Variants in LMOD1 observed in about 807,000 individuals in gnomAD.
LMOD1 encodes leiomodin 1.
In LMOD1, 8 loss-of-function variants were observed where a neutral mutation model predicts 36.5. That is an observed-to-expected ratio of 0.22 (90% CI 0.13 to 0.40). The LOEUF is 0.40. Among genes scored for constraint, LMOD1 ranks in the 10% least tolerant of loss-of-function variants. The probability of loss-of-function intolerance (pLI) is 1.00; values close to 1 mark genes in which losing one functional copy is unlikely to be tolerated. For synonymous variants in LMOD1, 284 were observed against 288.7 expected, an observed-to-expected ratio of 0.98 and a Z score of 0.17; for missense variants, 630 against 751.1, an observed-to-expected ratio of 0.84 and a Z score of 1.88.
intron 1 of LMOD1, among the ~76,000 whole-genome samples, chr1:201,920,778 C>T (rs1681691448): frequency 1.3e-5 from 2 of 152,112 alleles, no homozygotes; most frequent in Non-Finnish European, 2.9e-5. Context: ...CCTGTAATCT[C>T]AGCACTTTGG....
chr1:201,944,820 A>G (rs1041643446), intron 1 of LMOD1, among the ~76,000 whole-genome samples: 1 of 151,994 alleles, frequency 6.6e-6, no homozygotes, highest in Admixed American at 6.6e-5. Context: ...CCATTGCTAC[A>G]CTAAAGGAGT....
chr1:201,934,062 G>A (rs150127778), intron 1 of LMOD1, among the ~76,000 whole-genome samples: 256 of 152,260 alleles, frequency 1.7e-3, no homozygotes, highest in South Asian at 6.6e-3. Flanking sequence ...GGTGACTTAA[G>A]GGACAGAAGA....
In LMOD1 at chr1:201,910,663, C is replaced by T. The variant is rs561891170; in HGVS notation, c.262-9912G>A. On this transcript the variant is annotated intron_variant, in intron 1 of 2. Coordinates refer to ENST00000367288, the MANE Select transcript of LMOD1 (RefSeq NM_012134.3). ...GAAATTAACTGCTGCAAATTCACTA[C>T]CTCTGGGCAGTGTGCTCAGGGGGAG... Among the ~76,000 whole-genome samples, 176 of 150,850 alleles carry T rather than the reference C, an allele frequency of 1.2e-3. 1 individual carries two copies. Among genetic ancestry groups the T allele is most frequent in the Admixed American group, 2.6e-3 (39 of 15,130 alleles).
chr1:201,938,534 A>G (rs1682058480), intron 1 of LMOD1, among the ~76,000 whole-genome samples: 1 of 152,104 alleles, frequency 6.6e-6, no homozygotes, highest in South Asian at 2.1e-4. Context: ...ACCCAGGTCT[A>G]GCTGGCCCCT....
At chr1:201,898,499 G>A in intron 2 of LMOD1, 101 bp from the exon 3 acceptor site, 1 of 1,059,260 alleles carries the variant, frequency 9.4e-7, no homozygotes, top group African/African-American at 1.6e-5. Flanking sequence ...TGTTATGTCT[G>A]TGGAATGTGA....
At chr1:201,941,552 C>T (rs1682116233) in intron 1 of LMOD1, among the ~76,000 whole-genome samples, 1 of 152,214 alleles carries the variant, frequency 6.6e-6, no homozygotes, top group Non-Finnish European at 1.5e-5. Flanking sequence ...AAGCATTGAG[C>T]CGTGCTGCTC....
intron 1 of LMOD1, among the ~76,000 whole-genome samples, chr1:201,941,520 A>G (rs1682114745): frequency 6.6e-6 from 1 of 152,060 alleles, no homozygotes; most frequent in African/African-American, 2.4e-5. Context: ...TTGGGTGTGT[A>G]CCAGTTGGGG....
Position 201,900,746 on chromosome 1 carries a change from G to A in LMOD1, c.267C>T (p.Ser89=). Residue 89 remains serine, a synonymous_variant, in exon 2 of 3, where the codon AGC becomes AGT. Transcript: ENST00000367288. ...CATCTGTCTTGGTCTCCACTTGCTT[G>A]CTTTCCTAAGAATTCAGAAAAGAAA... ...LMQREMSMDE[S]KQVETKTDAK... The A allele has an allele frequency of 6.3e-7, 1 of 1,577,260 alleles. No homozygotes were observed. The highest frequency in any genetic ancestry group is 2.0e-5 in the Admixed American group (1 of 50,808).
intron 1 of LMOD1, among the ~76,000 whole-genome samples, chr1:201,926,809 G>A (rs1681832838): frequency 6.6e-6 from 1 of 152,068 alleles, no homozygotes; most frequent in African/African-American, 2.4e-5. Flanking sequence ...TTGAGTCCAG[G>A]AGTTTGAGAC....
chr1:201,935,988 G>T lies in LMOD1; in HGVS notation c.261+10092C>A, dbSNP rs551557467. On this transcript the variant is annotated intron_variant, in intron 1 of 2. Coordinates refer to ENST00000367288, the MANE Select transcript of LMOD1 (RefSeq NM_012134.3). Reference sequence around the variant, plus strand: ...AAATTAGCCGGGCGTGGTGGCAGGCGCCTGTAATCCTGGCTACTCAGGAGG... The same window carrying T: ...AAATTAGCCGGGCGTGGTGGCAGGCTCCTGTAATCCTGGCTACTCAGGAGG... Among the ~76,000 whole-genome samples the T allele has an allele frequency of 3.3e-3, 498 of 149,950 alleles. 2 individuals carry two copies. Among genetic ancestry groups the T allele is most frequent in the African/African-American group, 0.011 (463 of 40,786 alleles).
In LMOD1 at chr1:201,927,739, C is replaced by T. The variant is rs150845242; in HGVS notation, c.261+18341G>A. Among the ~76,000 whole-genome samples, 203 of 152,206 alleles carry T rather than the reference C, an allele frequency of 1.3e-3. 3 individuals are homozygous for T. Among genetic ancestry groups the T allele is most frequent in the African/African-American group, 4.4e-3 (181 of 41,528 alleles). ...AGGAAACTCAGTGTAAGCAAAATGG[C>T]GCAATGTCAGCCCTTGACAACTGGA... On this transcript the variant is annotated intron_variant, in intron 1 of 2. Coordinates refer to ENST00000367288, the MANE Select transcript of LMOD1 (RefSeq NM_012134.3).
In LMOD1 at chr1:201,899,085, T is replaced by G; in HGVS notation, c.1776+152A>C. The G allele has an allele frequency of 2.5e-5, 16 of 640,846 alleles. No individual in the cohort carries two copies. The highest frequency in any genetic ancestry group is 4.2e-5 in the Non-Finnish European group (16 of 383,202). The allele number at this position is 640,846 out of a possible 1,614,324, so 39.7% of individuals were successfully genotyped here. ...ACCTGCCTGCAGGCAGGAGGATGCA[T>G]GAGATGACCTGAAGTCCCCTATGGG... On this transcript the variant is annotated intron_variant, in intron 2 of 2. Coordinates refer to ENST00000367288, the MANE Select transcript of LMOD1 (RefSeq NM_012134.3). The surrounding 1 kb of genome is among the most constrained non-coding windows in gnomAD (Gnocchi z 6.3).
chr1:201,923,546 C>A (rs1681742367), intron 1 of LMOD1, among the ~76,000 whole-genome samples: 1 of 151,930 alleles, frequency 6.6e-6, no homozygotes, highest in Admixed American at 6.6e-5. Context: ...CATAGTGAGA[C>A]CCTGTCTATT....
At chr1:201,923,339 A>C (rs1280023929) in intron 1 of LMOD1, among the ~76,000 whole-genome samples, 1 of 152,168 alleles carries the variant, frequency 6.6e-6, no homozygotes, top group Non-Finnish European at 1.5e-5. Flanking sequence ...TGCATCTCCC[A>C]TTCAGATGGA....
At chr1:201,941,558 T>G (rs1682116567) in intron 1 of LMOD1, among the ~76,000 whole-genome samples, 1 of 152,248 alleles carries the variant, frequency 6.6e-6, no homozygotes, top group Non-Finnish European at 1.5e-5. Flanking sequence ...TGAGCCGTGC[T>G]GCTCAGTGCA....
At chr1:201,911,490 C>A (rs1681496365) in intron 1 of LMOD1, among the ~76,000 whole-genome samples, 1 of 152,080 alleles carries the variant, frequency 6.6e-6, no homozygotes, top group South Asian at 2.1e-4. Context: ...CATGGTGAAA[C>A]CCCACCTGTA....
intron 1 of LMOD1, among the ~76,000 whole-genome samples, chr1:201,934,828 C>A (rs1005328882): frequency 6.6e-6 from 1 of 152,212 alleles, no homozygotes; most frequent in Non-Finnish European, 1.5e-5. Flanking sequence ...TCTGGAAATC[C>A]TTTCTCACCT....
chr1:201,927,455 A>G (rs1298959449), intron 1 of LMOD1, among the ~76,000 whole-genome samples: 1 of 151,938 alleles, frequency 6.6e-6, no homozygotes, highest in Non-Finnish European at 1.5e-5. Flanking sequence ...AATCCCAGCT[A>G]CTCAGGAGGC....
intron 1 of LMOD1, among the ~76,000 whole-genome samples, chr1:201,906,579 C>T (rs921403543): frequency 6.6e-6 from 1 of 152,222 alleles, no homozygotes; most frequent in Non-Finnish European, 1.5e-5. Flanking sequence ...AGATGCCTTA[C>T]AGGGCTGGTG....
Sources: allele counts gnomAD v4.1 joint callset (sites outside exome capture counted in the v4.1 genomes callset), GRCh38; gene constraint gnomAD v4.1.1; non-coding constraint Gnocchi (gnomAD v3.1); transcripts MANE v1.5; gene names NCBI Gene and HGNC (gene_info 2026-07-23, HGNC 2026-07-21).